The following PRKCB variants were observed in gnomAD, a reference collection of about 807,000 sequenced individuals.
PRKCB encodes protein kinase C beta type.
A neutral mutation model predicts 81.5 loss-of-function variants in PRKCB; 13 were observed. That is an observed-to-expected ratio of 0.16 (90% confidence interval 0.10 to 0.25). PRKCB has a LOEUF of 0.25. PRKCB is among the 10% of genes least tolerant of loss of function. PRKCB has a pLI of 1.00. For synonymous variants in PRKCB, 335 were observed against 321.4 expected, an observed-to-expected ratio of 1.04 and a Z score of -0.45; for missense variants, 509 against 875.7, an observed-to-expected ratio of 0.58 and a Z score of 5.29.
intron 16 of PRKCB, among the ~76,000 whole-genome samples, chr16:24,202,502 A>G (rs975515294): frequency 1.3e-5 from 2 of 152,202 alleles, no homozygotes; most frequent in Admixed American, 1.3e-4. Flanking sequence ...AAAAATGTGA[A>G]AAAATAAAAT....
intron 2 of PRKCB, among the ~76,000 whole-genome samples, chr16:23,965,250 T>G (rs1964472575): frequency 6.6e-6 from 1 of 152,222 alleles, no homozygotes; most frequent in South Asian, 2.1e-4. Context: ...CAGCATTTGG[T>G]TTTCTGTTCC....
At chr16:24,118,762 C>G (rs934460779) in intron 8 of PRKCB, among the ~76,000 whole-genome samples, 2 of 152,132 alleles carry the variant, frequency 1.3e-5, no homozygotes, top group African/African-American at 2.4e-5. Context: ...GAAAGCACAT[C>G]CCACACAGCA....
intron 16 of PRKCB, among the ~76,000 whole-genome samples, chr16:24,200,229 C>T (rs980311088): frequency 3.9e-5 from 6 of 152,272 alleles, no homozygotes; most frequent in African/African-American, 1.4e-4. Flanking sequence ...TTTCCCTGCT[C>T]ATTTCTGGTT....
intron 2 of PRKCB, chr16:23,869,437 ACAGTC>A (rs1158440973): frequency 4.5e-6 from 1 of 220,264 alleles, no homozygotes; most frequent in Non-Finnish European, 9.5e-6. Flanking sequence ...GCTGACTAAT[ACAGTC>A]ATATAGCCAG....
intron 5 of PRKCB, among the ~76,000 whole-genome samples, chr16:24,041,607 A>G (rs1408264583): frequency 6.6e-6 from 1 of 152,030 alleles, no homozygotes; most frequent in Non-Finnish European, 1.5e-5. Context: ...AACTTTTTAG[A>G]CTGAAACATC....
intron 9 of PRKCB, among the ~76,000 whole-genome samples, chr16:24,124,878 A>G (rs972992114): frequency 6.6e-6 from 1 of 152,124 alleles, no homozygotes; most frequent in Non-Finnish European, 1.5e-5. Context: ...ACAGCCATGT[A>G]CAATGCATTG....
chr16:24,209,937 A>C (rs146546482), intron 16 of PRKCB, among the ~76,000 whole-genome samples: 23 of 149,414 alleles, frequency 1.5e-4, no homozygotes, highest in African/African-American at 5.7e-4. Context: ...GACCCCACAC[A>C]CACACCCTGT....
At chr16:23,845,223 G>A (rs985723218) in intron 2 of PRKCB, among the ~76,000 whole-genome samples, 2 of 152,176 alleles carry the variant, frequency 1.3e-5, no homozygotes, top group Non-Finnish European at 2.9e-5. Context: ...GTAGCGGGGG[G>A]AGATAAGACA....
intron 5 of PRKCB, among the ~76,000 whole-genome samples, chr16:24,059,642 GA>G (rs1965947059): frequency 6.6e-6 from 1 of 152,100 alleles, no homozygotes; most frequent in African/African-American, 2.4e-5. Flanking sequence ...ACTCCAGCCT[GA>G]GTGACAGAGT....
chr16:23,910,403 T>C (rs1963632720), intron 2 of PRKCB, among the ~76,000 whole-genome samples: 1 of 152,176 alleles, frequency 6.6e-6, no homozygotes. Flanking sequence ...CATAGTCCCT[T>C]TTCTGTTCTC....
chr16:24,185,324 C>A, intron 14 of PRKCB, 133 bp downstream of exon 14: 1 of 1,195,552 alleles, frequency 8.4e-7, no homozygotes, highest in Non-Finnish European at 1.2e-6. Flanking sequence ...TGGGGTCATA[C>A]AAGTCTGTGG....
chr16:24,047,544 A>AG (rs1305014691), intron 5 of PRKCB, among the ~76,000 whole-genome samples: 52 of 152,066 alleles, frequency 3.4e-4, no homozygotes, highest in African/African-American at 1.2e-3. Context: ...TTCTAAAAAA[A>AG]AAAAAAAGAA....
Position 24,194,074 on chromosome 16 carries a change from C to T in PRKCB, c.1863+2844C>T, listed in dbSNP as rs1462837337. 3.9e-5 allele frequency among the ~76,000 whole-genome samples: 6 copies of T among 152,264 alleles called. No individual in the cohort carries two copies. In the East Asian group the frequency reaches 1.2e-3, roughly 29 times the overall value. On this transcript the variant is annotated intron_variant, in intron 16 of 16. Transcript: ENST00000643927. ...GGGTATAGTGGCTCACACCCGTAAT[C>T]CCAGCACTTTGGGAGGCTGAGCCGG...
chr16:24,073,359 T>C (rs1293152117), intron 5 of PRKCB, among the ~76,000 whole-genome samples: 1 of 152,200 alleles, frequency 6.6e-6, no homozygotes, highest in Non-Finnish European at 1.5e-5. Context: ...AGAAACAGGA[T>C]CTTGCTCTGT....
chr16:23,836,265 C>G lies in PRKCB; in HGVS notation c.90C>G (p.Asn30Lys). ...FARKGALRQK[N>K]VHEVKNHKFT... ...GCAAAGGCGCCCTCCGGCAGAAGAA[C>G]GTGCATGAGGTCAAGAACCACAAAT... Residue 30 changes from asparagine to lysine, a missense_variant, in exon 1 of 17, where the codon AAC becomes AAG. By Grantham distance (94) the Asn-to-Lys change is moderately conservative. Coordinates refer to ENST00000643927, the MANE Select transcript of PRKCB (RefSeq NM_002738.7). The G allele has an allele frequency of 6.2e-7, 1 of 1,603,278 alleles. No homozygotes were observed. The highest frequency in any genetic ancestry group is 1.1e-5 in the South Asian group (1 of 90,768).
intron 2 of PRKCB, among the ~76,000 whole-genome samples, chr16:23,845,473 C>T (rs1962351904): frequency 6.6e-6 from 1 of 152,060 alleles, no homozygotes; most frequent in Admixed American, 6.6e-5. Context: ...TAAAACTGCC[C>T]ATATCCTGGA....
intron 16 of PRKCB, among the ~76,000 whole-genome samples, chr16:24,195,374 G>A (rs868665382): frequency 9.2e-5 from 14 of 152,098 alleles, no homozygotes; most frequent in South Asian, 2.1e-4. Context: ...CATGGTGAGC[G>A]TGTGCAGAGT....
intron 2 of PRKCB, among the ~76,000 whole-genome samples, chr16:23,888,667 G>GTCTGCTT (rs111567300): frequency 0.064 from 9,673 of 152,140 alleles, 992 homozygotes; most frequent in African/African-American, 0.22. Context: ...CCCTCGTCAT[G>GTCTGCTT]TTTCTCGACC....
Position 23,919,731 on chromosome 16 carries a change from G to A in PRKCB, c.206-68777G>A, listed in dbSNP as rs182101368. Among the ~76,000 whole-genome samples, 167 of 152,140 alleles carry A rather than the reference G, an allele frequency of 1.1e-3. 1 individual carries two copies. The highest frequency in any genetic ancestry group is 1.7e-3 in the Non-Finnish European group (119 of 68,008). On this transcript the variant is annotated intron_variant, in intron 2 of 16. Transcript: ENST00000643927. ...TGTCTCTATGAATTTGAATACTATAGGTATCTCATATAAGTGGAATCATCC... is the reference window on the plus strand; with the variant it reads ...TGTCTCTATGAATTTGAATACTATAAGTATCTCATATAAGTGGAATCATCC...
Sources: allele counts gnomAD v4.1 joint callset (sites outside exome capture counted in the v4.1 genomes callset), GRCh38; gene constraint gnomAD v4.1.1; transcripts MANE v1.5; gene names NCBI Gene and HGNC (gene_info 2026-07-23, HGNC 2026-07-21).